Variants in RBM33 observed in about 807,000 individuals in gnomAD.
The protein encoded by RBM33 is RNA-binding protein 33.
In RBM33, 28 loss-of-function variants were observed where a neutral mutation model predicts 132.6. The observed-to-expected ratio is 0.21, with a 90% confidence interval of 0.16 to 0.29. The LOEUF (loss-of-function observed/expected upper bound fraction) is 0.29, where lower values mean the gene tolerates loss of function less well. RBM33 is among the 10% of genes least tolerant of loss of function. The pLI is 1.00. For missense variants in RBM33, 1,291 were observed against 1,518.5 expected (o/e 0.85, Z 2.49); for synonymous variants, 634 against 593.0 (o/e 1.07, Z -1.01).
rs746053908 is a variant in RBM33, at chr7:155,711,313, A to T, written c.1059A>T (p.Pro353=). ...TTCCGGTGCAGCACCCGCACCACCC[A>T]TCCCCGCCTCAGGGAATGCACATGC... ...PLLPVQHPHH[P]SPPQGMHMPP... The change falls in exon 8 of 18, where the codon CCA becomes CCT. Residue 353 remains proline, a synonymous_variant. Coordinates refer to ENST00000401878, the MANE Select transcript of RBM33 (RefSeq NM_053043.3). 1 of 1,606,426 alleles carries T rather than the reference A, an allele frequency of 6.2e-7. No homozygotes were observed. Among genetic ancestry groups the T allele is most frequent in the Non-Finnish European group, 8.5e-7 (1 of 1,176,554 alleles).
Position 155,778,606 on chromosome 7 carries a change from T to G in RBM33, c.*3565T>G, listed in dbSNP as rs1451271834. 3 of 151,252 alleles carry G rather than the reference T, an allele frequency of 2.0e-5. No individual in the cohort carries two copies. Among genetic ancestry groups the G allele is most frequent in the African/African-American group, 7.3e-5 (3 of 41,018 alleles). The allele number at this position is 151,252 out of a possible 1,614,324, so 9.4% of individuals were successfully genotyped here. On this transcript the variant is annotated 3_prime_UTR_variant, in exon 18 of 18. Coordinates refer to ENST00000401878, the MANE Select transcript of RBM33 (RefSeq NM_053043.3). This position sits in a 1 kb window ranked among gnomAD's most constrained non-coding sequence, Gnocchi z 4.0. ...GCATCCGCTGGATGGCCTGGAGGAG[T>G]GGGGGAGGGGAACGTCTTCACTGGG...
chr7:155,746,632 T>G (rs1439104757), intron 14 of RBM33: 2 of 152,244 alleles, frequency 1.3e-5, no homozygotes, highest in East Asian at 3.8e-4. Context: ...GAACACTTGC[T>G]TCTTTATCCC....
chr7:155,694,311 G>A lies in RBM33; in HGVS notation c.568-6462G>A, dbSNP rs531361969. On this transcript the variant is annotated intron_variant, in intron 5 of 17. Coordinates refer to ENST00000401878, the MANE Select transcript of RBM33 (RefSeq NM_053043.3). ...ATATCAGTCTTTTATAGTTAATGCG[G>A]CCACATTAGTGCTAGTTATGCTATT... Among the ~76,000 whole-genome samples, 4 of 152,180 alleles carry A rather than the reference G, an allele frequency of 2.6e-5. No individual in the cohort carries two copies. The East Asian group carries it at 7.7e-4, about 29-fold the overall frequency.
chr7:155,695,329 T>C (rs1799761998), intron 5 of RBM33, among the ~76,000 whole-genome samples: 1 of 152,256 alleles, frequency 6.6e-6, no homozygotes, highest in African/African-American at 2.4e-5. Context: ...AGAATATGTA[T>C]GCATACATAC....
intron 5 of RBM33, among the ~76,000 whole-genome samples, chr7:155,696,923 G>A (rs1199600951): frequency 6.6e-6 from 1 of 152,090 alleles, no homozygotes. Context: ...TTTGTTTGAC[G>A]CTTTTTTCAT....
At chr7:155,713,990 GT>G (rs1800384742) in intron 8 of RBM33, among the ~76,000 whole-genome samples, 1 of 152,014 alleles carries the variant, frequency 6.6e-6, no homozygotes. Flanking sequence ...TCCTCGGTGG[GT>G]AGCAGGGAGC....
At chr7:155,669,703 G>A (rs192057317) in intron 2 of RBM33, among the ~76,000 whole-genome samples, 1 of 152,262 alleles carries the variant, frequency 6.6e-6, no homozygotes, top group East Asian at 1.9e-4. Flanking sequence ...ACAGGCCAGG[G>A]TTAAAGAACT....
At chr7:155,769,354 TG>T (rs1428278476) in intron 16 of RBM33, among the ~76,000 whole-genome samples, 1 of 151,696 alleles carries the variant, frequency 6.6e-6, no homozygotes, top group Non-Finnish European at 1.5e-5. Flanking sequence ...AGAAGGGGAG[TG>T]GGCGCACAGC....
intron 16 of RBM33, among the ~76,000 whole-genome samples, chr7:155,773,113 C>T (rs1802484311): frequency 6.6e-6 from 1 of 152,108 alleles, no homozygotes; most frequent in Non-Finnish European, 1.5e-5. Context: ...GGATCATGTG[C>T]TGGTAGTTAG....
intron 8 of RBM33, among the ~76,000 whole-genome samples, chr7:155,712,914 C>A (rs577606410): frequency 6.6e-6 from 1 of 152,342 alleles, no homozygotes; most frequent in Non-Finnish European, 1.5e-5. Context: ...GAAGATTCCT[C>A]TTGCTGCCGT....
At chr7:155,686,225 A>T (rs1488726837) in intron 5 of RBM33, among the ~76,000 whole-genome samples, 1 of 152,228 alleles carries the variant, frequency 6.6e-6, no homozygotes, top group Non-Finnish European at 1.5e-5. Context: ...CAGAGAGTAG[A>T]GGTTAGGTGT....
intron 9 of RBM33, among the ~76,000 whole-genome samples, chr7:155,725,203 GTTTTT>G (rs59050644): frequency 0.053 from 5,623 of 105,196 alleles, 128 homozygotes; most frequent in African/African-American, 0.078. Flanking sequence ...TTTTTTAGTT[GTTTTT>G]TTTTTTTTTT....
intron 3 of RBM33, among the ~76,000 whole-genome samples, chr7:155,673,940 GTTTTTTTTTTT>G (rs71186053): frequency 1.8e-5 from 1 of 54,214 alleles, no homozygotes; most frequent in Non-Finnish European, 3.2e-5. Context: ...TTTAGGCTTA[GTTTTTTTTTTT>G]TTTTTTTTTT....
chr7:155,684,027 T>C (rs1177206749), intron 5 of RBM33, among the ~76,000 whole-genome samples: 1 of 152,224 alleles, frequency 6.6e-6, no homozygotes, highest in Admixed American at 6.5e-5. Context: ...ATTGTTATTC[T>C]GATAGGACGC....
At chr7:155,665,612 G>GT (rs545904622) in intron 2 of RBM33, among the ~76,000 whole-genome samples, 73 of 152,246 alleles carry the variant, frequency 4.8e-4, no homozygotes, top group Non-Finnish European at 7.5e-4. Flanking sequence ...ACACTTTAAC[G>GT]TTTTTTCCAT....
chr7:155,764,225 C>T (rs569386214), intron 15 of RBM33, among the ~76,000 whole-genome samples: 41 of 152,168 alleles, frequency 2.7e-4, no homozygotes, highest in Non-Finnish European at 5.9e-4. Flanking sequence ...AGAGCAAACC[C>T]AGAAGAGCAC....
chr7:155,673,557 TATACACACATATAC>T (rs1799023687), intron 3 of RBM33, among the ~76,000 whole-genome samples: 1 of 86,988 alleles, frequency 1.1e-5, no homozygotes, highest in African/African-American at 5.4e-5. Flanking sequence ...CGTGTATATA[TATACACACATATAC>T]ATACACACGT....
intron 16 of RBM33, among the ~76,000 whole-genome samples, chr7:155,771,735 A>G (rs1304542663): frequency 6.6e-6 from 1 of 151,924 alleles, no homozygotes; most frequent in Non-Finnish European, 1.5e-5. Context: ...ATTTTATTTT[A>G]TTTTTTATTT....
chr7:155,717,007 A>G (rs1442757826), intron 8 of RBM33, among the ~76,000 whole-genome samples: 1 of 152,216 alleles, frequency 6.6e-6, no homozygotes, highest in Non-Finnish European at 1.5e-5. Flanking sequence ...GGCTTAATGT[A>G]TGGAATTCCT....
Sources: allele counts gnomAD v4.1 joint callset (sites outside exome capture counted in the v4.1 genomes callset), GRCh38; gene constraint gnomAD v4.1.1; non-coding constraint Gnocchi (gnomAD v3.1); transcripts MANE v1.5; gene names NCBI Gene and HGNC (gene_info 2026-07-23, HGNC 2026-07-21).